Variants in LRMDA observed in about 807,000 individuals in gnomAD.
LRMDA encodes the protein leucine-rich melanocyte differentiation-associated protein.
A neutral mutation model predicts 29.8 loss-of-function variants in LRMDA; 18 were observed. That is an observed-to-expected ratio of 0.60 (90% CI 0.42 to 0.90). LRMDA has a LOEUF of 0.90. Ranked by LOEUF, LRMDA falls within the 40% of genes least tolerant of loss-of-function variation. LRMDA has a pLI of 0.00. For missense variants in LRMDA, 273 were observed against 273.9 expected (o/e 1.00, Z 0.02); for synonymous variants, 125 against 109.4 (o/e 1.14, Z -0.89).
At chr10:76,203,033 G>A (rs1851462486) in intron 5 of LRMDA, among the ~76,000 whole-genome samples, 1 of 152,178 alleles carries the variant, frequency 6.6e-6, no homozygotes, top group Non-Finnish European at 1.5e-5. Context: ...GGTATTCAGT[G>A]GTTTACTTTT....
chr10:75,462,024 C>T (rs956080612), intron 2 of LRMDA, among the ~76,000 whole-genome samples: 4 of 152,204 alleles, frequency 2.6e-5, no homozygotes, highest in African/African-American at 4.8e-5. Flanking sequence ...AAATCAAGTA[C>T]GCTAACTTGC....
intron 5 of LRMDA, among the ~76,000 whole-genome samples, chr10:76,161,554 G>A (rs557635968): frequency 6.6e-6 from 1 of 152,274 alleles, no homozygotes; most frequent in Non-Finnish European, 1.5e-5. Context: ...AGTCATCTTG[G>A]CAAATACATT....
At chr10:76,015,404 G>C (rs1021357797) in intron 2 of LRMDA, among the ~76,000 whole-genome samples, 1 of 152,136 alleles carries the variant, frequency 6.6e-6, no homozygotes, top group East Asian at 1.9e-4. Context: ...TGAAACTAAG[G>C]CCTCACTTTC....
At chr10:75,852,258 T>C (rs953866065) in intron 2 of LRMDA, among the ~76,000 whole-genome samples, 3 of 152,184 alleles carry the variant, frequency 2.0e-5, no homozygotes, top group Non-Finnish European at 4.4e-5. Context: ...AAAATAGAGA[T>C]TGAAAACTCT....
chr10:75,783,055 G>A lies in LRMDA; in HGVS notation c.132-252953G>A, dbSNP rs772793567. 5.0e-5 allele frequency: 81 copies of A among 1,613,036 alleles called. No homozygotes were observed. The African/African-American group carries it at 5.3e-4, about 11-fold the overall frequency. On this transcript the variant is annotated intron_variant, in intron 2 of 6. Transcript: ENST00000611255. Reference sequence around the variant, plus strand: ...AGACAGGACCCTTAATCAAAGAGTCGGTCTTTTCTGTCAGCAGTGCCTTTT... The same window carrying A: ...AGACAGGACCCTTAATCAAAGAGTCAGTCTTTTCTGTCAGCAGTGCCTTTT...
intron 2 of LRMDA, among the ~76,000 whole-genome samples, chr10:75,932,372 G>T (rs1417265436): frequency 6.6e-6 from 1 of 152,130 alleles, no homozygotes; most frequent in Non-Finnish European, 1.5e-5. Context: ...CAACTATTTG[G>T]GAAGCTGAGG....
chr10:76,412,475 A>G (rs760408538), intron 6 of LRMDA, among the ~76,000 whole-genome samples: 5 of 152,174 alleles, frequency 3.3e-5, no homozygotes, highest in Non-Finnish European at 5.9e-5. Context: ...ACATAGCTCT[A>G]TATTCAACAT....
intron 2 of LRMDA, among the ~76,000 whole-genome samples, chr10:75,975,863 C>G (rs1383027254): frequency 2.0e-5 from 3 of 152,186 alleles, no homozygotes; most frequent in Non-Finnish European, 2.9e-5. Flanking sequence ...TCACAGAGTC[C>G]TGTCAGCTCT....
chr10:75,984,419 G>C (rs1033311481), intron 2 of LRMDA, among the ~76,000 whole-genome samples: 1 of 152,228 alleles, frequency 6.6e-6, no homozygotes, highest in African/African-American at 2.4e-5. Flanking sequence ...TCTCTGCCCT[G>C]TGTCCTCCTG....
At chr10:75,976,152 T>C (rs1847065880) in intron 2 of LRMDA, among the ~76,000 whole-genome samples, 1 of 152,264 alleles carries the variant, frequency 6.6e-6, no homozygotes, top group Non-Finnish European at 1.5e-5. Context: ...TCTGGTCCTA[T>C]CAACGTCTCC....
At position 75,992,047 on chromosome 10, in the gene LRMDA, C is replaced by T. The variant is rs1847379436; in HGVS notation, c.132-43961C>T. On this transcript the variant is annotated intron_variant, in intron 2 of 6. Coordinates refer to ENST00000611255, the MANE Select transcript of LRMDA (RefSeq NM_001305581.2). ...CCATTTATTTAGTATTTCTATGTCC[C>T]TGGTCCTATACCATGCCTTTGATGC... is the stretch of plus-strand genomic sequence containing the variant. 2.0e-5 allele frequency among the ~76,000 whole-genome samples: 3 copies of T among 152,186 alleles called. No homozygotes were observed. The South Asian group carries it at 6.2e-4, about 32-fold the overall frequency.
chr10:75,754,742 T>C (rs1843009646), intron 2 of LRMDA, among the ~76,000 whole-genome samples: 1 of 152,112 alleles, frequency 6.6e-6, no homozygotes, highest in Admixed American at 6.5e-5. Flanking sequence ...TCTCCCCTTT[T>C]CCCCGTTTCC....
intron 2 of LRMDA, among the ~76,000 whole-genome samples, chr10:75,644,568 A>G (rs2132121834): frequency 6.6e-6 from 1 of 152,256 alleles, no homozygotes; most frequent in East Asian, 1.9e-4. Flanking sequence ...AAATAAATAA[A>G]CAGGCTTCAT....
chr10:76,181,299 G>A (rs1226047647), intron 5 of LRMDA, among the ~76,000 whole-genome samples: 1 of 152,202 alleles, frequency 6.6e-6, no homozygotes, highest in East Asian at 1.9e-4. Context: ...CCAGAGGACT[G>A]CTTCATCAAT....
chr10:76,472,494 T>G (rs1429334268), intron 6 of LRMDA, among the ~76,000 whole-genome samples: 1 of 151,426 alleles, frequency 6.6e-6, no homozygotes, highest in Non-Finnish European at 1.5e-5. Flanking sequence ...TTTTCCACCT[T>G]AAGACAGTAG....
At chr10:76,132,925 C>A (rs1375489757) in intron 5 of LRMDA, among the ~76,000 whole-genome samples, 1 of 150,348 alleles carries the variant, frequency 6.7e-6, no homozygotes, top group African/African-American at 2.4e-5. Flanking sequence ...GCCTCAGCCT[C>A]CTGAGTAGCT....
intron 2 of LRMDA, among the ~76,000 whole-genome samples, chr10:75,554,297 G>A (rs1840188219): frequency 6.6e-6 from 1 of 152,108 alleles, no homozygotes; most frequent in South Asian, 2.1e-4. Context: ...GTGATCAGGA[G>A]GATTCTAGAA....
chr10:76,212,867 G>A (rs1181829427), intron 5 of LRMDA, among the ~76,000 whole-genome samples: 3 of 152,170 alleles, frequency 2.0e-5, no homozygotes, highest in African/African-American at 7.2e-5. Context: ...GTCAAGCAAT[G>A]TGGGGGTGGG....
intron 2 of LRMDA, among the ~76,000 whole-genome samples, chr10:75,522,199 C>A (rs1432122277): frequency 6.6e-6 from 1 of 152,196 alleles, no homozygotes; most frequent in African/African-American, 2.4e-5. Flanking sequence ...GAAGTAGATA[C>A]TGCGACTATC....
Sources: allele counts gnomAD v4.1 joint callset (sites outside exome capture counted in the v4.1 genomes callset), GRCh38; gene constraint gnomAD v4.1.1; transcripts MANE v1.5; gene names NCBI Gene and HGNC (gene_info 2026-07-23, HGNC 2026-07-21).